Variants in VWC2 observed in about 807,000 individuals in gnomAD.
The protein encoded by VWC2 is von Willebrand factor C domain containing 2.
VWC2 carries 14 observed loss-of-function variants against 29.8 expected under a neutral mutation model. That is an observed-to-expected ratio of 0.47 (90% confidence interval 0.31 to 0.74). The LOEUF (loss-of-function observed/expected upper bound fraction) is 0.74. Among genes scored for constraint, VWC2 ranks in the 30% least tolerant of loss-of-function variants. VWC2 has a pLI of 0.05. For synonymous variants in VWC2, 213 were observed against 199.0 expected (o/e 1.07, Z -0.59); for missense variants, 457 against 459.8 (o/e 0.99, Z 0.05).
chr7:49,903,806 T>C (rs28834511), intron 3 of VWC2, among the ~76,000 whole-genome samples: 4,370 of 151,580 alleles, frequency 0.029, 234 homozygotes, highest in African/African-American at 0.1. Flanking sequence ...GGAGCGGAGG[T>C]TTAATAGGCA....
chr7:49,799,440 T>C (rs1032162004), intron 2 of VWC2, among the ~76,000 whole-genome samples: 4 of 152,254 alleles, frequency 2.6e-5, no homozygotes, highest in African/African-American at 9.6e-5. Flanking sequence ...GCAGGGCACC[T>C]GGCTGGCATC....
At chr7:49,816,047 T>A (rs151003422) in intron 3 of VWC2, among the ~76,000 whole-genome samples, 2 of 151,878 alleles carry the variant, frequency 1.3e-5, no homozygotes, top group Non-Finnish European at 2.9e-5. Flanking sequence ...AAGGAGTGTG[T>A]GGGTTGTGGG....
At chr7:49,790,507 C>G (rs1013160229) in intron 2 of VWC2, among the ~76,000 whole-genome samples, 1 of 152,136 alleles carries the variant, frequency 6.6e-6, no homozygotes, top group Non-Finnish European at 1.5e-5. Context: ...GTCTCTCTGT[C>G]CTTAGTTTCT....
intron 3 of VWC2, among the ~76,000 whole-genome samples, chr7:49,896,193 T>C (rs545978296): frequency 6.6e-6 from 1 of 152,096 alleles, no homozygotes; most frequent in South Asian, 2.1e-4. Flanking sequence ...ATACAAAAAT[T>C]AGTCAGGTTT....
chr7:49,879,749 T>C (rs958250861), intron 3 of VWC2, among the ~76,000 whole-genome samples: 3 of 152,204 alleles, frequency 2.0e-5, no homozygotes, highest in African/African-American at 7.2e-5. Flanking sequence ...TGGTTATTTT[T>C]TTAAATAGGC....
At chr7:49,898,766 A>G (rs759167015) in intron 3 of VWC2, among the ~76,000 whole-genome samples, 2 of 152,130 alleles carry the variant, frequency 1.3e-5, no homozygotes, top group East Asian at 3.8e-4. Context: ...AAAGTGGTTT[A>G]GTGTTATTTG....
At chr7:49,774,605 G>A (rs376137221) in intron 1 of VWC2, among the ~76,000 whole-genome samples, 1 of 152,172 alleles carries the variant, frequency 6.6e-6, no homozygotes. Flanking sequence ...GACACTACAA[G>A]ACTGAGCGCT....
rs568023337 is a variant in VWC2, at chr7:49,921,447, A to G, written c.*9262A>G. The G allele has an allele frequency of 5.9e-5, 9 of 152,324 alleles. No individual in the cohort carries two copies. The highest frequency in any genetic ancestry group is 1.9e-4 in the African/African-American group (8 of 41,564). The allele number at this position is 152,324 out of a possible 1,614,324, so 9.4% of individuals were successfully genotyped here. On this transcript the variant is annotated 3_prime_UTR_variant, in exon 4 of 4. Transcript: ENST00000340652. ...GCTTTAATGTAACTTGGCAGTAAAG[A>G]CTTTGGCCTTTGGAGGTCTGATTCT...
At chr7:49,897,235 C>T (rs918947931) in intron 3 of VWC2, among the ~76,000 whole-genome samples, 12 of 152,056 alleles carry the variant, frequency 7.9e-5, no homozygotes, top group African/African-American at 2.9e-4. Flanking sequence ...AATAGTAATA[C>T]CAAACATTGA....
At chr7:49,903,119 G>C (rs1562763975) in intron 3 of VWC2, among the ~76,000 whole-genome samples, 1 of 152,124 alleles carries the variant, frequency 6.6e-6, no homozygotes, top group Non-Finnish European at 1.5e-5. Flanking sequence ...ATCAAATGCT[G>C]GTAAAGATGT....
rs528852219 is a variant in VWC2, at chr7:49,865,613, G to A, written c.827-46421G>A. On this transcript the variant is annotated intron_variant, in intron 3 of 3. Coordinates refer to ENST00000340652, the MANE Select transcript of VWC2 (RefSeq NM_198570.5). ...ATCAAGAGAGGGCAAACTCCAATAT[G>A]CAAGTATTTTTGAGACTCTGTTTGT... Among the ~76,000 whole-genome samples the A allele has an allele frequency of 1.1e-3, 171 of 152,308 alleles. 1 individual carries two copies. The highest frequency in any genetic ancestry group is 2.2e-3 in the Non-Finnish European group (147 of 68,032).
intron 3 of VWC2, among the ~76,000 whole-genome samples, chr7:49,836,091 T>C (rs494446): frequency 0.9 from 136,261 of 152,216 alleles, 61,254 homozygotes; most frequent in East Asian, 0.94. Flanking sequence ...TGAGTTCAGA[T>C]AGAAGTCTGT....
At chr7:49,848,069 T>C (rs1349282368) in intron 3 of VWC2, among the ~76,000 whole-genome samples, 1 of 152,122 alleles carries the variant, frequency 6.6e-6, no homozygotes, top group Non-Finnish European at 1.5e-5. Context: ...CTTCTACAGG[T>C]CTCAGTCGCT....
chr7:49,845,946 C>A (rs2128714801), intron 3 of VWC2, among the ~76,000 whole-genome samples: 1 of 152,318 alleles, frequency 6.6e-6, no homozygotes, highest in South Asian at 2.1e-4. Flanking sequence ...GTCTTTGACA[C>A]CTGCCCCTGT....
intron 3 of VWC2, among the ~76,000 whole-genome samples, chr7:49,868,530 G>A (rs1791006115): frequency 6.6e-6 from 1 of 152,160 alleles, no homozygotes; most frequent in South Asian, 2.1e-4. Flanking sequence ...GTTCCCATAT[G>A]TGGATTTTCA....
At chr7:49,829,641 G>C (rs1789481894) in intron 3 of VWC2, among the ~76,000 whole-genome samples, 1 of 152,192 alleles carries the variant, frequency 6.6e-6, no homozygotes, top group South Asian at 2.1e-4. Context: ...TGAAGTTTGT[G>C]ATCCCATTGT....
chr7:49,790,435 G>C lies in VWC2; in HGVS notation c.697-12276G>C, dbSNP rs572559779. Among the ~76,000 whole-genome samples the C allele has an allele frequency of 4.0e-5, 6 of 148,454 alleles. 1 individual carries two copies. Among genetic ancestry groups the C allele is most frequent in the African/African-American group, 1.5e-4 (6 of 41,320 alleles). ...CCCTTTGTGTGCAAATCTGTTCTCT[G>C]ACAGACAGTGGAAAGACAGAACAGA... On this transcript the variant is annotated intron_variant, in intron 2 of 3. Transcript: ENST00000340652.
intron 3 of VWC2, among the ~76,000 whole-genome samples, chr7:49,837,397 C>T (rs1384888): frequency 0.52 from 78,662 of 152,046 alleles, 21,043 homozygotes; most frequent in East Asian, 0.83. Context: ...CGATGATGTG[C>T]CTACTGTGTC....
chr7:49,898,113 ATG>A (rs773381433), intron 3 of VWC2, among the ~76,000 whole-genome samples: 14 of 151,262 alleles, frequency 9.3e-5, no homozygotes, highest in East Asian at 3.9e-4. Context: ...CTTTACATAT[ATG>A]TGTGTGTGTG....
Sources: allele counts gnomAD v4.1 joint callset (sites outside exome capture counted in the v4.1 genomes callset), GRCh38; gene constraint gnomAD v4.1.1; transcripts MANE v1.5; gene names NCBI Gene and HGNC (gene_info 2026-07-23, HGNC 2026-07-21).